ITPK1: variants seen among roughly 807,000 people sequenced by gnomAD.
ITPK1 encodes inositol-tetrakisphosphate 1-kinase, also known as inositol 1,3,4-trisphosphate 5/6-kinase.
A neutral mutation model predicts 45.3 loss-of-function variants in ITPK1; 21 were observed. That is an observed-to-expected ratio of 0.46 (90% CI 0.33 to 0.67). The LOEUF is 0.67. Ranked by LOEUF, ITPK1 falls within the 30% of genes least tolerant of loss-of-function variation. The probability of loss-of-function intolerance (pLI) is 0.02; values close to 1 mark genes in which losing one functional copy is unlikely to be tolerated. For synonymous variants in ITPK1, 258 were observed against 253.6 expected (o/e 1.02, Z -0.16); for missense variants, 474 against 573.5 (o/e 0.83, Z 1.77).
Position 93,094,076 on chromosome 14 carries a change from C to A in ITPK1, c.96-17457G>T, listed in dbSNP as rs118180423. Among the ~76,000 whole-genome samples, 1,493 of 152,338 alleles carry A rather than the reference C, an allele frequency of 9.8e-3. 10 individuals are homozygous for A. The highest frequency in any genetic ancestry group is 0.018 in the South Asian group (86 of 4,824). On this transcript the variant is annotated intron_variant, in intron 2 of 10. Coordinates refer to ENST00000267615, the MANE Select transcript of ITPK1 (RefSeq NM_014216.6). ...CCCGGGAGAAGGGAGGGTCTGGGGG[C>A]ATCCCAGCTCTTACACCTGGGTGGT... is the stretch of plus-strand genomic sequence containing the variant.
At chr14:93,003,160 A>G (rs1887435712) in intron 4 of ITPK1, among the ~76,000 whole-genome samples, 1 of 152,152 alleles carries the variant, frequency 6.6e-6, no homozygotes, top group South Asian at 2.1e-4. Flanking sequence ...AACAGACATA[A>G]CAGTGTCAAG....
intron 9 of ITPK1, among the ~76,000 whole-genome samples, chr14:92,951,362 T>C (rs1887946117): frequency 6.6e-6 from 1 of 152,190 alleles, no homozygotes; most frequent in Non-Finnish European, 1.5e-5. Flanking sequence ...TTGCACCGTG[T>C]GAACAGCCTT....
rs1887207669 is a variant in ITPK1, at chr14:92,938,323, C to G, written c.*3238G>C. The G allele has an allele frequency of 1.5e-6, 1 of 661,886 alleles. No individual in the cohort carries two copies. The highest frequency in any genetic ancestry group is 1.8e-5 in the African/African-American group (1 of 55,696). 41.0% of individuals were successfully genotyped at this position (661,886 alleles called of 1,614,324 possible). On this transcript the variant is annotated 3_prime_UTR_variant, in exon 11 of 11. Coordinates refer to ENST00000267615, the MANE Select transcript of ITPK1 (RefSeq NM_014216.6). Reference sequence around the variant, plus strand: ...CAGGGACATTAGTGAAGCCATTCAGCAGTTGTGGCCAGTGGCCAATGTGAG... The same window carrying G: ...CAGGGACATTAGTGAAGCCATTCAGGAGTTGTGGCCAGTGGCCAATGTGAG...
chr14:92,973,394 C>A (rs1471785094), intron 5 of ITPK1, among the ~76,000 whole-genome samples: 1 of 152,258 alleles, frequency 6.6e-6, no homozygotes, highest in African/African-American at 2.4e-5. Flanking sequence ...GAGGGGCCTG[C>A]AATCTCCCGC....
intron 4 of ITPK1, among the ~76,000 whole-genome samples, chr14:93,009,733 C>T (rs1308707722): frequency 1.3e-5 from 2 of 152,198 alleles, no homozygotes; most frequent in South Asian, 2.1e-4. Flanking sequence ...ATGCGTCCAA[C>T]TCTGCCTCCC....
chr14:92,946,397 C>T lies in ITPK1; in HGVS notation c.835G>A (p.Gly279Ser). The change falls in exon 10 of 11, where the codon GGC (glycine) becomes AGC (serine). Residue 279 changes from glycine to serine, a missense_variant. Gly to Ser is a moderately conservative substitution (Grantham distance 56). Transcript: ENST00000267615. ...LRQALGVSLF[G>S]IDIIINNQTG... Reference sequence around the variant, plus strand: ...TGGTTGTTGATGATGATGTCGATGCCGAAGAGTGACACGCCCAGTGCCTGC... The same window carrying T: ...TGGTTGTTGATGATGATGTCGATGCTGAAGAGTGACACGCCCAGTGCCTGC... 1 of 1,613,398 alleles carries T rather than the reference C, an allele frequency of 6.2e-7. No homozygotes were observed. Among genetic ancestry groups the T allele is most frequent in the East Asian group, 2.2e-5 (1 of 44,880 alleles).
intron 3 of ITPK1, among the ~76,000 whole-genome samples, chr14:93,037,469 G>A (rs1889370821): frequency 6.6e-6 from 1 of 152,226 alleles, no homozygotes; most frequent in Non-Finnish European, 1.5e-5. Flanking sequence ...GAAGGCGCAG[G>A]TAAGCTTCAG....
chr14:92,968,048 G>C (rs2139754927), intron 5 of ITPK1, among the ~76,000 whole-genome samples: 1 of 152,220 alleles, frequency 6.6e-6, no homozygotes, highest in South Asian at 2.1e-4. Flanking sequence ...AGGTAAATTT[G>C]GCTGGGCATG....
chr14:93,010,779 T>C (rs1277666626), intron 4 of ITPK1, among the ~76,000 whole-genome samples: 1 of 152,186 alleles, frequency 6.6e-6, no homozygotes, highest in South Asian at 2.1e-4. Context: ...GCCGGGCCTG[T>C]ACTGAGTGGC....
chr14:93,010,710 C>T (rs139222598), intron 4 of ITPK1, among the ~76,000 whole-genome samples: 13 of 152,362 alleles, frequency 8.5e-5, no homozygotes, highest in Non-Finnish European at 1.6e-4. Context: ...CAGAGTAGTC[C>T]TACTGTCACT....
At chr14:93,105,877 G>T (rs920057915) in intron 2 of ITPK1, among the ~76,000 whole-genome samples, 10 of 151,938 alleles carry the variant, frequency 6.6e-5, no homozygotes, top group African/African-American at 2.4e-4. Context: ...CTGATTTTTT[G>T]TATTTTTAGT....
rs553816959 is a variant in ITPK1, at chr14:93,076,880, T to C, written c.96-261A>G. On this transcript the variant is annotated intron_variant, in intron 2 of 10. Coordinates refer to ENST00000267615, the MANE Select transcript of ITPK1 (RefSeq NM_014216.6). This position sits in a 1 kb window ranked among gnomAD's most constrained non-coding sequence, Gnocchi z 4.3. ...GGAGGCCCCACGCCAGCCACCTCCC[T>C]CCACTCCTGGGCCGGGCCTCTGTCA... is the stretch of plus-strand genomic sequence containing the variant. Among the ~76,000 whole-genome samples, 1 of 152,034 alleles carries C rather than the reference T, an allele frequency of 6.6e-6. No homozygotes were observed. The highest frequency in any genetic ancestry group is 1.5e-5 in the Non-Finnish European group (1 of 67,998).
intron 4 of ITPK1, among the ~76,000 whole-genome samples, chr14:93,015,819 G>A (rs3783906): frequency 2.0e-4 from 31 of 152,322 alleles, no homozygotes; most frequent in East Asian, 1.4e-3. Flanking sequence ...GAACAGTGTC[G>A]GCAGGACGGC....
intron 3 of ITPK1, among the ~76,000 whole-genome samples, chr14:93,040,306 T>A (rs1455575146): frequency 6.6e-6 from 1 of 152,176 alleles, no homozygotes; most frequent in Admixed American, 6.5e-5. Flanking sequence ...TGCTTCCTCC[T>A]ATGAAAGCAG....
At chr14:93,095,810 A>C (rs1892055102) in intron 2 of ITPK1, among the ~76,000 whole-genome samples, 3 of 150,932 alleles carry the variant, frequency 2.0e-5, no homozygotes, top group Non-Finnish European at 4.4e-5. Context: ...ATATATACCC[A>C]AGGTTTAGTT....
chr14:93,069,160 C>T (rs1675499368), intron 3 of ITPK1: 1 of 153,926 alleles, frequency 6.5e-6, no homozygotes, highest in Non-Finnish European at 1.5e-5. Context: ...CAGCCACAGC[C>T]CCTCTCAGAA....
In ITPK1 at chr14:93,036,397, G is replaced by C. The variant is rs565862321; in HGVS notation, c.121-19596C>G. 1.3e-5 allele frequency among the ~76,000 whole-genome samples: 2 copies of C among 152,348 alleles called. No individual in the cohort carries two copies. The highest frequency in any genetic ancestry group is 4.1e-4 in the South Asian group (2 of 4,832). On this transcript the variant is annotated intron_variant, in intron 3 of 10. Coordinates refer to ENST00000267615, the MANE Select transcript of ITPK1 (RefSeq NM_014216.6). The surrounding 1 kb of genome is among the most constrained non-coding windows in gnomAD (Gnocchi z 4.1). ...GTTTAAGATAAACCAAAGATGCTGA[G>C]AGAACAAATGTGACAGGCTCCTCAG...
At chr14:93,053,610 A>G (rs1859468067) in intron 3 of ITPK1, among the ~76,000 whole-genome samples, 1 of 152,248 alleles carries the variant, frequency 6.6e-6, no homozygotes. Context: ...GTGCAACACC[A>G]AGAGTGAGCC....
Position 92,958,315 on chromosome 14 carries a change from C to T in ITPK1, c.556G>A (p.Val186Met), listed in dbSNP as rs369752282. The change falls in exon 8 of 11, where the codon GTG becomes ATG. Residue 186 changes from valine to methionine, a missense_variant. Physicochemically the swap from Val to Met is conservative, Grantham distance 21. This residue lies in a region of ITPK1 where 367 missense variants were observed against 480.6 expected (regional missense o/e 0.76). Transcript: ENST00000267615. This position sits in a 1 kb window ranked among gnomAD's most constrained non-coding sequence, Gnocchi z 4.4. Reference sequence around the variant, plus strand: ...TTGTGGTTGATGAAATTCTGGACCACGCAGGGTGGCTGGATGGCGTTCAGG... The same window carrying T: ...TTGTGGTTGATGAAATTCTGGACCATGCAGGGTGGCTGGATGGCGTTCAGG... ...EGLNAIQPPCVVQNFINHNAV... is the reference protein window; with the variant it reads ...EGLNAIQPPCMVQNFINHNAV... 1.9e-6 allele frequency: 3 copies of T among 1,614,230 alleles called. No individual in the cohort carries two copies. The highest frequency in any genetic ancestry group is 1.1e-5 in the South Asian group (1 of 91,084).
Sources: gnomAD v4.1 joint callset for allele counts (sites outside exome capture counted in the v4.1 genomes callset) on GRCh38, gnomAD v4.1.1 for gene constraint, gnomAD v4.1.1 regional missense constraint, Gnocchi (gnomAD v3.1) non-coding constraint, MANE v1.5 for transcripts, NCBI Gene and HGNC (gene_info 2026-07-23, HGNC 2026-07-21) for gene names.